Variants in TNFSF12 observed in about 807,000 individuals in gnomAD.
TNFSF12 encodes the protein tumor necrosis factor ligand superfamily member 12.
TNFSF12 carries 16 observed loss-of-function variants against 31.2 expected under a neutral mutation model. The ratio of observed to expected loss-of-function variants is 0.51; its 90% CI spans 0.35 to 0.78. The LOEUF (loss-of-function observed/expected upper bound fraction) is 0.78. Among genes scored for constraint, TNFSF12 ranks in the 30% least tolerant of loss-of-function variants. The pLI, the probability that TNFSF12 is intolerant of heterozygous loss-of-function variation, is 0.01. For missense variants in TNFSF12, 324 were observed against 338.8 expected (o/e 0.96, Z 0.34); for synonymous variants, 150 against 151.4 (o/e 0.99, Z 0.07).
rs1211322156 is a variant in TNFSF12 at position 7,549,179 on chromosome 17, G to A, written c.26G>A (p.Arg9Gln). ...ATGGCCGCCCGTCGGAGCCAGAGGC[G>A]GAGGGGGCGCCGGGGGGAGCCGGGC... MAARRSQR[R>Q]RGRRGEPGTA... Residue 9 changes from arginine (R) to glutamine (Q), a missense_variant, in exon 1 of 7, where the codon CGG becomes CAG. Arg to Gln is a conservative substitution (Grantham distance 43). Coordinates refer to ENST00000293825, the MANE Select transcript of TNFSF12 (RefSeq NM_003809.3). The surrounding 1 kb of genome is among the most constrained non-coding windows in gnomAD (Gnocchi z 4.1). 3 of 1,299,944 alleles carry A rather than the reference G, an allele frequency of 2.3e-6. No individual in the cohort carries two copies. Among genetic ancestry groups the A allele is most frequent in the Non-Finnish European group, 2.9e-6 (3 of 1,027,898 alleles). The allele number at this position is 1,299,944 out of a possible 1,614,324, so 80.5% of individuals were successfully genotyped here.
Position 7,556,837 on chromosome 17 carries a change from C to A in TNFSF12, c.433C>A (p.Arg145Ser). 6.4e-7 allele frequency: 1 copy of A among 1,562,748 alleles called. No homozygotes were observed. Among genetic ancestry groups the A allele is most frequent in the Admixed American group, 1.9e-5 (1 of 53,366 alleles). Residue 145 changes from arginine to serine, a missense_variant, in exon 6 of 7, where the codon CGC (arginine) becomes AGC (serine). Transcript: ENST00000293825. ...CAGAATCAACAGCTCCAGCCCTCTG[C>A]GCTACAACCGCCAGATCGGGGAGTT... The part of the protein sequence containing the change: ...EARINSSSPL[R>S]YNRQIGEFIV...
Position 7,549,459 on chromosome 17 carries a change from C to A in TNFSF12, c.160-15C>A. 1 of 1,508,112 alleles carries A rather than the reference C, an allele frequency of 6.6e-7. No individual in the cohort carries two copies. The highest frequency in any genetic ancestry group is 2.5e-5 in the East Asian group (1 of 40,082). The allele number at this position is 1,508,112 out of a possible 1,614,324, so 93.4% of individuals were successfully genotyped here. ...GGTGGAGCGGCACAGGGTGACGCTC[C>A]CTCCTTCCCAGCAGGAGCCTGCCCA... On this transcript the variant is annotated splice_polypyrimidine_tract_variant and intron_variant, in intron 1 of 6. Coordinates refer to ENST00000293825, the MANE Select transcript of TNFSF12 (RefSeq NM_003809.3). The surrounding 1 kb of genome is among the most constrained non-coding windows in gnomAD (Gnocchi z 4.1).
rs1029172682 is a variant in TNFSF12, at chr17:7,549,119, G to A, written c.-35G>A. ...CCCCGATCCCTCGGGTCCCGGGATG[G>A]GGGGGCGGTGAGGCAGGCACAGCCC... On this transcript the variant is annotated 5_prime_UTR_variant, in exon 1 of 7. Transcript: ENST00000293825. This position sits in a 1 kb window ranked among gnomAD's most constrained non-coding sequence, Gnocchi z 4.1. 3 of 1,246,016 alleles carry A rather than the reference G, an allele frequency of 2.4e-6. No individual in the cohort carries two copies. The highest frequency in any genetic ancestry group is 3.0e-6 in the Non-Finnish European group (3 of 996,024). 77.2% of individuals were successfully genotyped at this position (1,246,016 alleles called of 1,614,324 possible). A position where few individuals can be genotyped will look rare whatever the true frequency, so the allele number is the denominator to read the frequency against.
In TNFSF12 at chr17:7,549,416, G is replaced by A; in HGVS notation, c.160-58G>A. Reference sequence around the variant, plus strand: ...TGAAGGCAAGGGGAAGGGAGGATGGGTGGAGGGTGAGATGTCAGGTGGAGC... The same window carrying A: ...TGAAGGCAAGGGGAAGGGAGGATGGATGGAGGGTGAGATGTCAGGTGGAGC... On this transcript the variant is annotated intron_variant, in intron 1 of 6. Coordinates refer to ENST00000293825, the MANE Select transcript of TNFSF12 (RefSeq NM_003809.3). The surrounding 1 kb of genome is among the most constrained non-coding windows in gnomAD (Gnocchi z 4.1). 1 of 1,447,284 alleles carries A rather than the reference G, an allele frequency of 6.9e-7. No homozygotes were observed. Among genetic ancestry groups the A allele is most frequent in the South Asian group, 1.4e-5 (1 of 71,016 alleles). The allele number at this position is 1,447,284 out of a possible 1,614,324, so 89.7% of individuals were successfully genotyped here.
chr17:7,555,892 G>A (rs779735834), intron 5 of TNFSF12, among the ~76,000 whole-genome samples: 11 of 151,684 alleles, frequency 7.3e-5, no homozygotes, highest in Admixed American at 2.0e-4. Flanking sequence ...GGTAAGGAAG[G>A]GAAGGAAACT....
In TNFSF12 at chr17:7,549,852, A is replaced by C; in HGVS notation, c.208-268A>C. On this transcript the variant is annotated intron_variant, in intron 2 of 6. Coordinates refer to ENST00000293825, the MANE Select transcript of TNFSF12 (RefSeq NM_003809.3). This position sits in a 1 kb window ranked among gnomAD's most constrained non-coding sequence, Gnocchi z 4.1. ...CTGTGCGTGGTGACTGGGTGCGGGC[A>C]TGTGTGCAATGTGCCAATTGAATGC... 1.6e-6 allele frequency: 1 copy of C among 609,226 alleles called. No individual in the cohort carries two copies. The highest frequency in any genetic ancestry group is 2.9e-6 in the Non-Finnish European group (1 of 346,432). The allele number at this position is 609,226 out of a possible 1,614,324, so 37.7% of individuals were successfully genotyped here.
chr17:7,549,978 C>A lies in TNFSF12; in HGVS notation c.208-142C>A. The A allele has an allele frequency of 1.5e-6, 2 of 1,332,390 alleles. No homozygotes were observed. Among genetic ancestry groups the A allele is most frequent in the South Asian group, 1.3e-5 (1 of 77,184 alleles). 82.5% of individuals were successfully genotyped at this position (1,332,390 alleles called of 1,614,324 possible). On this transcript the variant is annotated intron_variant, in intron 2 of 6. Coordinates refer to ENST00000293825, the MANE Select transcript of TNFSF12 (RefSeq NM_003809.3). The surrounding 1 kb of genome is among the most constrained non-coding windows in gnomAD (Gnocchi z 4.1). ...CTCCCAGCTTCACCTTTGCCCGGGG[C>A]CCCAGCTGTAGTTGGCTGAGGGGCT... is the stretch of plus-strand genomic sequence containing the variant.
chr17:7,556,414 A>G (rs920006920), intron 5 of TNFSF12, among the ~76,000 whole-genome samples: 1 of 152,166 alleles, frequency 6.6e-6, no homozygotes, highest in African/African-American at 2.4e-5. Flanking sequence ...TATTATTTTT[A>G]GTTGTACTAA....
At chr17:7,552,761 C>T (rs1488307542) in intron 5 of TNFSF12, among the ~76,000 whole-genome samples, 4 of 152,058 alleles carry the variant, frequency 2.6e-5, no homozygotes, top group Non-Finnish European at 5.9e-5. Context: ...TGAAAAGAAG[C>T]TGGAGAGAGA....
Position 7,549,371 on chromosome 17 carries a change from C to A in TNFSF12, c.159+59C>A. ...ATCAGGAGCTGAGACTGCAGAGGGGCCGCTGGGGGCCGCGTGGGCTGAAGG... is the reference window on the plus strand; with the variant it reads ...ATCAGGAGCTGAGACTGCAGAGGGGACGCTGGGGGCCGCGTGGGCTGAAGG... On this transcript the variant is annotated intron_variant, in intron 1 of 6. Coordinates refer to ENST00000293825, the MANE Select transcript of TNFSF12 (RefSeq NM_003809.3). The surrounding 1 kb of genome is among the most constrained non-coding windows in gnomAD (Gnocchi z 4.1). The A allele has an allele frequency of 7.1e-7, 1 of 1,410,660 alleles. No individual in the cohort carries two copies. The highest frequency in any genetic ancestry group is 1.6e-5 in the South Asian group (1 of 64,020). 87.4% of individuals were successfully genotyped at this position (1,410,660 alleles called of 1,614,324 possible).
At position 7,550,292 on chromosome 17, in the gene TNFSF12, G is replaced by A. The variant is rs114696812; in HGVS notation, c.283+97G>A. ...GCACGGAGGGTGAAAGGAGTTCAGA[G>A]TCATGCAGCTAACCAGCCAAGACTC... On this transcript the variant is annotated intron_variant, in intron 3 of 6. Coordinates refer to ENST00000293825, the MANE Select transcript of TNFSF12 (RefSeq NM_003809.3). This position sits in a 1 kb window ranked among gnomAD's most constrained non-coding sequence, Gnocchi z 4.4. 3,621 of 1,575,264 alleles carry A rather than the reference G, an allele frequency of 2.3e-3. 82 individuals carry two copies. In the African/African-American group the frequency reaches 0.042, roughly 18 times the overall value.
rs9907657 is a variant in TNFSF12, at chr17:7,557,640, G to T, written c.*290G>T. ...TCCCCCCTGGCCACAGACCCCCAGG[G>T]CATTGTGTTCACTGTACTCTGTGGG... On this transcript the variant is annotated 3_prime_UTR_variant, in exon 7 of 7. Transcript: ENST00000293825. The surrounding 1 kb of genome is among the most constrained non-coding windows in gnomAD (Gnocchi z 5.2). 0.15 allele frequency: 62,199 copies of T among 404,776 alleles called. 5,327 individuals are homozygous for T. Among genetic ancestry groups the T allele is most frequent in the East Asian group, 0.22 (4,707 of 21,618 alleles). The allele number at this position is 404,776 out of a possible 1,614,324, so 25.1% of individuals were successfully genotyped here.
chr17:7,549,182 G>C lies in TNFSF12; in HGVS notation c.29G>C (p.Arg10Thr), dbSNP rs912497750. Residue 10 changes from arginine (R) to threonine (T), a missense_variant, in exon 1 of 7, where the codon AGG (arginine) becomes ACG (threonine). By Grantham distance (71) the Arg-to-Thr change is moderately conservative. Transcript: ENST00000293825. The surrounding 1 kb of genome is among the most constrained non-coding windows in gnomAD (Gnocchi z 4.1). ...GCCGCCCGTCGGAGCCAGAGGCGGA[G>C]GGGGCGCCGGGGGGAGCCGGGCACC... Reference protein sequence around the residue: MAARRSQRRRGRRGEPGTAL... With the variant: MAARRSQRRTGRRGEPGTAL... 2.2e-5 allele frequency: 29 copies of C among 1,301,140 alleles called. No homozygotes were observed. Among genetic ancestry groups the C allele is most frequent in the Non-Finnish European group, 2.7e-5 (28 of 1,028,490 alleles). 80.6% of individuals were successfully genotyped at this position (1,301,140 alleles called of 1,614,324 possible).
intron 5 of TNFSF12, among the ~76,000 whole-genome samples, chr17:7,556,574 T>C (rs2071069500): frequency 6.6e-6 from 1 of 152,206 alleles, no homozygotes; most frequent in African/African-American, 2.4e-5. Context: ...CCTGAATGTC[T>C]CTGGCCATAT....
chr17:7,556,651 C>T, intron 5 of TNFSF12, 127 bp from the exon 6 acceptor site: 3 of 1,328,580 alleles, frequency 2.3e-6, no homozygotes, highest in Non-Finnish European at 2.9e-6. Context: ...TCCTCCCTTG[C>T]CCGGGGTGAT....
chr17:7,550,930 C>T lies in TNFSF12; in HGVS notation c.338-13C>T. 1.2e-6 allele frequency: 2 copies of T among 1,614,166 alleles called. No individual in the cohort carries two copies. The highest frequency in any genetic ancestry group is 1.3e-5 in the African/African-American group (1 of 75,054). ...CAGGGCAGGTCTCACCAGCCTTTTC[C>T]TGTACTTTACAGTTCATCCACGACC... On this transcript the variant is annotated splice_polypyrimidine_tract_variant and intron_variant, in intron 4 of 6. Coordinates refer to ENST00000293825, the MANE Select transcript of TNFSF12 (RefSeq NM_003809.3). The surrounding 1 kb of genome is among the most constrained non-coding windows in gnomAD (Gnocchi z 4.4).
Position 7,549,892 on chromosome 17 carries a change from T to TTG in TNFSF12, c.208-219_208-218dup. ...CAATTGAATGCAGGGTCTGCGTTGG[T>TTG]TGTGTGTGTGGGTGGGAAAGTGTAG... On this transcript the variant is annotated intron_variant, in intron 2 of 6. Coordinates refer to ENST00000293825, the MANE Select transcript of TNFSF12 (RefSeq NM_003809.3). The surrounding 1 kb of genome is among the most constrained non-coding windows in gnomAD (Gnocchi z 4.1). 1 of 637,900 alleles carries TTG rather than the reference T, an allele frequency of 1.6e-6. No homozygotes were observed. Among genetic ancestry groups the TTG allele is most frequent in the Non-Finnish European group, 2.7e-6 (1 of 369,910 alleles). The allele number at this position is 637,900 out of a possible 1,614,324, so 39.5% of individuals were successfully genotyped here.
chr17:7,550,476 G>A lies in TNFSF12; in HGVS notation c.283+281G>A, dbSNP rs1306534531. 6.6e-6 allele frequency among the ~76,000 whole-genome samples: 1 copy of A among 152,136 alleles called. No individual in the cohort carries two copies. Among genetic ancestry groups the A allele is most frequent in the Admixed American group, 6.6e-5 (1 of 15,264 alleles). ...CTGGCAGTCAGAGGCCTGGGCCCCG[G>A]TAGGCAAAGAGACTTAGGAATGGGA... On this transcript the variant is annotated intron_variant, in intron 3 of 6. Transcript: ENST00000293825. This position sits in a 1 kb window ranked among gnomAD's most constrained non-coding sequence, Gnocchi z 4.4.
chr17:7,557,222 C>T lies in TNFSF12; in HGVS notation c.622C>T (p.Arg208Cys), dbSNP rs777759037. 29 of 1,612,158 alleles carry T rather than the reference C, an allele frequency of 1.8e-5. No individual in the cohort carries two copies. Among genetic ancestry groups the T allele is most frequent in the South Asian group, 9.9e-5 (9 of 91,032 alleles). Residue 208 changes from arginine (R) to cysteine (C), a missense_variant, in exon 7 of 7, where the codon CGC (arginine) becomes TGC (cysteine). Coordinates refer to ENST00000293825, the MANE Select transcript of TNFSF12 (RefSeq NM_003809.3). The surrounding 1 kb of genome is among the most constrained non-coding windows in gnomAD (Gnocchi z 5.2). ...GGCGAGTTCCCTCGGGCCCCAGCTC[C>T]GCCTCTGCCAGGTGTCTGGGCTGTT... ...TAASSLGPQLRLCQVSGLLAL... is the reference protein window; with the variant it reads ...TAASSLGPQLCLCQVSGLLAL...
Sources: allele counts gnomAD v4.1 joint callset (sites outside exome capture counted in the v4.1 genomes callset), GRCh38; gene constraint gnomAD v4.1.1; non-coding constraint Gnocchi (gnomAD v3.1); transcripts MANE v1.5; gene names NCBI Gene and HGNC (gene_info 2026-07-23, HGNC 2026-07-21).